The following LIG1 variants were observed in gnomAD, a reference collection of about 807,000 sequenced individuals.
LIG1 encodes the protein ligase I, DNA, ATP-dependent.
In LIG1, 70 loss-of-function variants were observed where a neutral mutation model predicts 115.7. The observed-to-expected ratio is 0.60, with a 90% CI of 0.50 to 0.74. The LOEUF is 0.74. Among genes scored for constraint, LIG1 ranks in the 30% least tolerant of loss-of-function variants. LIG1 has a pLI of 0.00. For missense variants in LIG1, 1,115 were observed against 1,225.6 expected, an observed-to-expected ratio of 0.91 and a Z score of 1.35; for synonymous variants, 487 against 495.3, an observed-to-expected ratio of 0.98 and a Z score of 0.22.
intron 4 of LIG1, 92 bp from the exon 5 acceptor site, chr19:48,157,232 G>A (rs955662317): frequency 1.5e-6 from 2 of 1,372,972 alleles, no homozygotes; most frequent in Non-Finnish European, 9.9e-7. Flanking sequence ...AAACCTCTCT[G>A]TCTACCCTCC....
chr19:48,129,496 TGGCA>T (rs2033880200), intron 19 of LIG1, among the ~76,000 whole-genome samples: 1 of 152,208 alleles, frequency 6.6e-6, no homozygotes, highest in African/African-American at 2.4e-5. Flanking sequence ...GCAGAGACCA[TGGCA>T]GGCCTGTTAC....
intron 21 of LIG1, among the ~76,000 whole-genome samples, chr19:48,126,870 G>T (rs1384547499): frequency 6.6e-6 from 1 of 151,792 alleles, no homozygotes; most frequent in Non-Finnish European, 1.5e-5. Context: ...GAACCACAGT[G>T]CCTGGCTCTA....
intron 21 of LIG1, chr19:48,126,914 TTG>T (rs2033707070): frequency 3.7e-6 from 1 of 272,962 alleles, no homozygotes; most frequent in African/African-American, 2.2e-5. Context: ...AACCCAAGTT[TTG>T]AGAAAGTGGT....
chr19:48,129,051 C>G (rs149742907), intron 19 of LIG1, among the ~76,000 whole-genome samples: 1 of 150,442 alleles, frequency 6.6e-6, no homozygotes, highest in Admixed American at 6.6e-5. Flanking sequence ...TGAGCCACCA[C>G]GCCTGGCCTC....
At position 48,137,151 on chromosome 19, in the gene LIG1, C is replaced by T; in HGVS notation, c.1255-67G>A. The T allele has an allele frequency of 7.6e-7, 1 of 1,313,066 alleles. No homozygotes were observed. Among genetic ancestry groups the T allele is most frequent in the Non-Finnish European group, 1.1e-6 (1 of 921,402 alleles). 81.3% of individuals were successfully genotyped at this position (1,313,066 alleles called of 1,614,324 possible). A position where few individuals can be genotyped will look rare whatever the true frequency, so the allele number is the denominator to read the frequency against. ...AGGGACCACACCTCCACCCCACCAG[C>T]CGTGCTGCTGCCCTGCATTTTGGAA... On this transcript the variant is annotated intron_variant, in intron 13 of 27. Coordinates refer to ENST00000263274, the MANE Select transcript of LIG1 (RefSeq NM_000234.3). The surrounding 1 kb of genome is among the most constrained non-coding windows in gnomAD (Gnocchi z 4.3).
chr19:48,167,553 A>G (rs10424875), intron 1 of LIG1, among the ~76,000 whole-genome samples: 80,706 of 151,934 alleles, frequency 0.53, 21,657 homozygotes, highest in East Asian at 0.67. Context: ...GTAGGCCGGC[A>G]CTGTGGCTCA....
chr19:48,157,275 G>GTGAGAAGAGGCCACCCCTGA, intron 4 of LIG1, 135 bp from the exon 5 acceptor site: 1 of 981,204 alleles, frequency 1.0e-6, no homozygotes, highest in Non-Finnish European at 1.4e-6. Flanking sequence ...CCTAACTCAG[G>GTGAGAAGAGGCCACCCCTGA]GGTGGCCTCT....
intron 2 of LIG1, among the ~76,000 whole-genome samples, chr19:48,165,096 T>C (rs921931642): frequency 2.0e-5 from 3 of 152,126 alleles, no homozygotes; most frequent in Non-Finnish European, 2.9e-5. Flanking sequence ...CCGTCTCTAC[T>C]AAAAATACAA....
intron 1 of LIG1, 21 bp from the exon 2 acceptor site, chr19:48,165,644 C>A (rs577888966): frequency 3.2e-5 from 51 of 1,592,938 alleles, no homozygotes; most frequent in Non-Finnish European, 4.2e-5. Context: ...AATCCAAACA[C>A]TTGTTGAGGT....
At chr19:48,162,432 C>A in intron 2 of LIG1, 81 bp from the exon 3 acceptor site, 1 of 921,704 alleles carries the variant, frequency 1.1e-6, no homozygotes, top group Admixed American at 2.5e-5. Context: ...CCTATAACTT[C>A]CTTTTTTTTT....
intron 12 of LIG1, among the ~76,000 whole-genome samples, chr19:48,139,289 G>A (rs1377744287): frequency 3.3e-5 from 5 of 152,330 alleles, no homozygotes; most frequent in Admixed American, 6.5e-5. Context: ...GTCCCAAGCT[G>A]CCGACGGCTT....
intron 1 of LIG1, chr19:48,169,699 C>A: frequency 6.3e-6 from 1 of 158,798 alleles, no homozygotes; most frequent in South Asian, 1.4e-4. Context: ...TAGCCCCGCC[C>A]CCTCAGCACT....
chr19:48,128,102 T>A, intron 19 of LIG1, 82 bp from the exon 20 acceptor site: 1 of 1,106,118 alleles, frequency 9.0e-7, no homozygotes, highest in Non-Finnish European at 1.4e-6. Context: ...ATAAATTCCC[T>A]TTTCCTTCTG....
intron 9 of LIG1, among the ~76,000 whole-genome samples, chr19:48,145,667 T>A (rs1371176582): frequency 6.6e-6 from 1 of 151,688 alleles, no homozygotes; most frequent in East Asian, 1.9e-4. Flanking sequence ...GGCAGCAGAG[T>A]GTGGTGGGCA....
chr19:48,134,633 G>A (rs1056641058), intron 16 of LIG1, among the ~76,000 whole-genome samples: 3 of 152,256 alleles, frequency 2.0e-5, no homozygotes, highest in Non-Finnish European at 2.9e-5. Flanking sequence ...ACTCCAGCCT[G>A]GATGACAGGG....
Position 48,166,996 on chromosome 19 carries a change from AAAAAG to A in LIG1, c.-57-1378_-57-1374del, listed in dbSNP as rs2036520577. 2.7e-5 allele frequency among the ~76,000 whole-genome samples: 4 copies of A among 149,222 alleles called. No individual in the cohort carries two copies. In the South Asian group the frequency reaches 8.4e-4, roughly 31 times the overall value. The stretch of plus-strand genomic sequence containing the variant: ...AAAAGAAAGAAAAAGAAAGAAAAAG[AAAAAG>A]AAAAGAAAGGGTTCTTAATCTGGGG... On this transcript the variant is annotated intron_variant, in intron 1 of 27. Coordinates refer to ENST00000263274, the MANE Select transcript of LIG1 (RefSeq NM_000234.3).
At chr19:48,117,548 G>A in intron 26 of LIG1, 90 bp downstream of exon 26, 1 of 1,353,182 alleles carries the variant, frequency 7.4e-7, no homozygotes, top group Non-Finnish European at 1.0e-6. Context: ...TGGAAGAGCA[G>A]ATGTGAGCCA....
In LIG1 at chr19:48,153,687, CA is replaced by C. The variant is rs1568538299; in HGVS notation, c.466+184del. Among the ~76,000 whole-genome samples, 209 of 130,042 alleles carry C rather than the reference CA, an allele frequency of 1.6e-3. 9 individuals carry two copies. Among genetic ancestry groups the C allele is most frequent in the African/African-American group, 5.9e-3 (187 of 31,750 alleles). 85.3% of individuals were successfully genotyped at this position (130,042 alleles called of 152,430 possible). A position where few individuals can be genotyped will look rare whatever the true frequency, so the allele number is the denominator to read the frequency against. On this transcript the variant is annotated intron_variant, in intron 6 of 27. Transcript: ENST00000263274. ...ACACACACACACACACACACACACA[CA>C]CACCTCTCCTTCTGGGGGCTCACCT...
chr19:48,159,336 T>A (rs12986286), intron 4 of LIG1, among the ~76,000 whole-genome samples: 1 of 152,016 alleles, frequency 6.6e-6, no homozygotes, highest in Non-Finnish European at 1.5e-5. Flanking sequence ...TCCCAAAGTG[T>A]TGGGATTACA....
Sources: gnomAD v4.1 joint callset for allele counts (sites outside exome capture counted in the v4.1 genomes callset) on GRCh38, gnomAD v4.1.1 for gene constraint, Gnocchi (gnomAD v3.1) non-coding constraint, MANE v1.5 for transcripts, NCBI Gene and HGNC (gene_info 2026-07-23, HGNC 2026-07-21) for gene names.